IQSEC3: variants seen among roughly 807,000 people sequenced by gnomAD.
IQSEC3 encodes the protein IQ motif and Sec7 domain ArfGEF 3, also known as IQ motif and SEC7 domain-containing protein 3.
Under a neutral mutation model 105.4 loss-of-function variants are expected in IQSEC3, and 50 were observed. The ratio of observed to expected loss-of-function variants is 0.47; its 90% CI spans 0.38 to 0.60. IQSEC3 has a LOEUF of 0.60. Ranked by LOEUF, IQSEC3 falls within the 20% of genes least tolerant of loss-of-function variation. The probability of loss-of-function intolerance (pLI) is 0.00; values close to 1 mark genes in which losing one functional copy is unlikely to be tolerated. For synonymous variants in IQSEC3, 708 were observed against 746.0 expected, an observed-to-expected ratio of 0.95 and a Z score of 0.83; for missense variants, 1,415 against 1,630.0, an observed-to-expected ratio of 0.87 and a Z score of 2.27.
intron 2 of IQSEC3, among the ~76,000 whole-genome samples, chr12:107,653 G>C (rs369713488): frequency 1.3e-5 from 2 of 151,678 alleles, no homozygotes; most frequent in Non-Finnish European, 2.9e-5. Context: ...CTCGTGATCC[G>C]CCCACCTCGG....
At chr12:144,233 C>G (rs559642187) in intron 5 of IQSEC3, 3 of 151,978 alleles carry the variant, frequency 2.0e-5, no homozygotes, top group African/African-American at 7.3e-5. Flanking sequence ...GGGAGGGGGG[C>G]GCTGGAGTCT....
chr12:116,139 A>G (rs1234806786), intron 2 of IQSEC3, among the ~76,000 whole-genome samples: 8 of 152,218 alleles, frequency 5.3e-5, no homozygotes, highest in African/African-American at 1.9e-4. Context: ...TTGTACGTGT[A>G]TTAGCCCTTC....
chr12:120,229 G>A (rs1256097449), intron 2 of IQSEC3, among the ~76,000 whole-genome samples: 2 of 152,204 alleles, frequency 1.3e-5, no homozygotes, highest in Non-Finnish European at 2.9e-5. Flanking sequence ...CTCCTCCTGG[G>A]GAAGTGAGCG....
At chr12:172,946 GAGA>G (rs1190129780) in intron 13 of IQSEC3, among the ~76,000 whole-genome samples, 4 of 152,328 alleles carry the variant, frequency 2.6e-5, no homozygotes, top group Admixed American at 1.3e-4. Flanking sequence ...GAGCTTCAGG[GAGA>G]AGAAGGACGG....
chr12:169,506 G>T (rs1938856993), intron 12 of IQSEC3, among the ~76,000 whole-genome samples: 1 of 152,176 alleles, frequency 6.6e-6, no homozygotes, highest in Non-Finnish European at 1.5e-5. Flanking sequence ...AGAGGGCAGG[G>T]TGACCAGAAG....
At position 169,001 on chromosome 12, in the gene IQSEC3, T is replaced by G. The variant is rs1938824910; in HGVS notation, c.2972-12T>G. On this transcript the variant is annotated splice_polypyrimidine_tract_variant and intron_variant, in intron 11 of 13. Coordinates refer to ENST00000538872, the MANE Select transcript of IQSEC3 (RefSeq NM_001170738.2). ...AAGGTTTCTCTTGCTCACGGGCCTCTGCATTCCTTAGGGGAGCTGGAGAAG... is the reference window on the plus strand; with the variant it reads ...AAGGTTTCTCTTGCTCACGGGCCTCGGCATTCCTTAGGGGAGCTGGAGAAG... 6.2e-7 allele frequency: 1 copy of G among 1,613,260 alleles called. No individual in the cohort carries two copies. Among genetic ancestry groups the G allele is most frequent in the Non-Finnish European group, 8.5e-7 (1 of 1,179,240 alleles).
intron 1 of IQSEC3, among the ~76,000 whole-genome samples, chr12:92,537 C>A (rs549617240): frequency 6.6e-6 from 1 of 152,222 alleles, no homozygotes; most frequent in Non-Finnish European, 1.5e-5. Flanking sequence ...CTGCTGCCCC[C>A]ACCCCAAGTG....
intron 1 of IQSEC3, among the ~76,000 whole-genome samples, chr12:92,993 A>G (rs1555073874): frequency 6.6e-6 from 1 of 152,244 alleles, no homozygotes; most frequent in Non-Finnish European, 1.5e-5. Context: ...GGGCTGGGTC[A>G]GGAAGGTGAA....
chr12:87,223 C>T (rs1248263860), intron 1 of IQSEC3, among the ~76,000 whole-genome samples: 1 of 152,022 alleles, frequency 6.6e-6, no homozygotes, highest in African/African-American at 2.4e-5. Context: ...GGTCATCAAG[C>T]GGCTGTCAAG....
intron 2 of IQSEC3, among the ~76,000 whole-genome samples, chr12:109,346 G>A (rs777798632): frequency 2.0e-5 from 3 of 152,062 alleles, no homozygotes; most frequent in Non-Finnish European, 2.9e-5. Flanking sequence ...TTTGCTGGCC[G>A]TGTTGTCCTT....
At chr12:107,420 T>G in intron 2 of IQSEC3, among the ~76,000 whole-genome samples, 1 of 141,322 alleles carries the variant, frequency 7.1e-6, no homozygotes, top group Non-Finnish European at 1.5e-5. Context: ...TTTTTTTTTT[T>G]TTTTTTTGAG....
intron 1 of IQSEC3, among the ~76,000 whole-genome samples, chr12:73,803 C>G (rs1863419221): frequency 6.6e-6 from 1 of 152,286 alleles, no homozygotes; most frequent in African/African-American, 2.4e-5. Context: ...GGCCACCTTT[C>G]TACATGTGCT....
At chr12:83,326 G>A (rs546463424) in intron 1 of IQSEC3, among the ~76,000 whole-genome samples, 1 of 152,262 alleles carries the variant, frequency 6.6e-6, no homozygotes, top group Non-Finnish European at 1.5e-5. Flanking sequence ...AGCCCCTGCC[G>A]TCATGGAGCT....
chr12:112,535 C>T (rs1555079783), intron 2 of IQSEC3, among the ~76,000 whole-genome samples: 1 of 152,168 alleles, frequency 6.6e-6, no homozygotes, highest in East Asian at 1.9e-4. Context: ...GAAGGGCAGA[C>T]CCAGGCAGCA....
intron 2 of IQSEC3, among the ~76,000 whole-genome samples, chr12:107,503 G>A (rs1012926519): frequency 6.0e-5 from 8 of 132,422 alleles, no homozygotes; most frequent in South Asian, 2.6e-4. Context: ...TCCGCCTCCC[G>A]GGTTCACGCC....
chr12:82,711 C>T (rs1863787017), intron 1 of IQSEC3, among the ~76,000 whole-genome samples: 3 of 152,152 alleles, frequency 2.0e-5, no homozygotes, highest in African/African-American at 7.2e-5. Context: ...TCGATGTGTC[C>T]TAATAACACC....
At chr12:99,324 G>C (rs1171231402) in intron 2 of IQSEC3, 110 bp downstream of exon 2, 1 of 999,552 alleles carries the variant, frequency 1.0e-6, no homozygotes, top group Non-Finnish European at 1.5e-6. Context: ...AGTCTCATGT[G>C]GGGTAATTTG....
At chr12:121,216 G>C (rs1865208172) in intron 2 of IQSEC3, among the ~76,000 whole-genome samples, 1 of 152,216 alleles carries the variant, frequency 6.6e-6, no homozygotes, top group African/African-American at 2.4e-5. Context: ...AAGGAGAGGA[G>C]AGATGTTCTG....
chr12:72,245 T>C (rs1274448588), intron 1 of IQSEC3, among the ~76,000 whole-genome samples: 1 of 151,848 alleles, frequency 6.6e-6, no homozygotes, highest in East Asian at 1.9e-4. Context: ...AGCAAATCTC[T>C]GCGCAGCCCG....
Sources: gnomAD v4.1 joint callset for allele counts (sites outside exome capture counted in the v4.1 genomes callset) on GRCh38, gnomAD v4.1.1 for gene constraint, MANE v1.5 for transcripts, NCBI Gene and HGNC (gene_info 2026-07-23, HGNC 2026-07-21) for gene names.